The following FBXL17 variants were observed in gnomAD, a reference collection of about 807,000 sequenced individuals.
FBXL17 encodes the protein F-box/LRR-repeat protein 17.
Under a neutral mutation model 66.2 loss-of-function variants are expected in FBXL17, and 22 were observed. The observed-to-expected ratio is 0.33, with a 90% CI of 0.24 to 0.47. FBXL17 has a LOEUF of 0.47. Ranked by LOEUF, FBXL17 falls within the 20% of genes least tolerant of loss-of-function variation. FBXL17 has a pLI of 1.00. For missense variants in FBXL17, 878 were observed against 948.2 expected, an observed-to-expected ratio of 0.93 and a Z score of 0.97; for synonymous variants, 474 against 400.5, an observed-to-expected ratio of 1.18 and a Z score of -2.19.
intron 4 of FBXL17, among the ~76,000 whole-genome samples, chr5:108,335,435 A>AATATAGCATTAT (rs1304742775): frequency 2.0e-5 from 3 of 152,146 alleles, no homozygotes; most frequent in African/African-American, 7.2e-5. Flanking sequence ...ATTTAATGTA[A>AATATAGCATTAT]ATATAGCATT....
At chr5:107,934,848 C>T (rs1366431666) in intron 7 of FBXL17, among the ~76,000 whole-genome samples, 1 of 152,130 alleles carries the variant, frequency 6.6e-6, no homozygotes. Flanking sequence ...AACTTTATCA[C>T]ATACTTTAAT....
intron 6 of FBXL17, among the ~76,000 whole-genome samples, chr5:108,107,811 CAA>C (rs143806373): frequency 8.3e-6 from 1 of 120,748 alleles, no homozygotes; most frequent in Non-Finnish European, 1.7e-5. Context: ...GACTCTGTCT[CAA>C]AAAAAAAAAA....
intron 4 of FBXL17, among the ~76,000 whole-genome samples, chr5:108,308,078 G>A (rs574581938): frequency 4.4e-4 from 67 of 152,064 alleles, no homozygotes; most frequent in Admixed American, 2.3e-3. Context: ...ATAGAAACAC[G>A]ACCTTGTCCC....
At chr5:108,127,482 A>G (rs1018341997) in intron 6 of FBXL17, among the ~76,000 whole-genome samples, 1 of 152,194 alleles carries the variant, frequency 6.6e-6, no homozygotes, top group Non-Finnish European at 1.5e-5. Flanking sequence ...TCAAATTGGC[A>G]TAAGTGACAG....
intron 4 of FBXL17, among the ~76,000 whole-genome samples, chr5:108,292,187 T>C (rs1432610069): frequency 6.6e-6 from 1 of 151,596 alleles, no homozygotes; most frequent in Admixed American, 6.6e-5. Context: ...AATGGCGCGA[T>C]CTTGGCTCAC....
intron 4 of FBXL17, among the ~76,000 whole-genome samples, chr5:108,250,110 G>A (rs557989663): frequency 2.6e-5 from 4 of 152,194 alleles, no homozygotes; most frequent in African/African-American, 9.6e-5. Context: ...TACCATTAAT[G>A]CTAACCTTGG....
At chr5:107,938,677 G>C (rs1268635334) in intron 7 of FBXL17, among the ~76,000 whole-genome samples, 1 of 152,054 alleles carries the variant, frequency 6.6e-6, no homozygotes, top group African/African-American at 2.4e-5. Context: ...GCTTAGTGGT[G>C]ATATATTAGT....
chr5:108,103,869 A>G (rs1430599235), intron 6 of FBXL17, among the ~76,000 whole-genome samples: 3 of 152,132 alleles, frequency 2.0e-5, no homozygotes, highest in Admixed American at 1.3e-4. Context: ...TCAGTCCCCA[A>G]CCAAGTCACT....
chr5:108,096,562 T>C (rs910771321), intron 6 of FBXL17, among the ~76,000 whole-genome samples: 3 of 152,186 alleles, frequency 2.0e-5, no homozygotes, highest in African/African-American at 7.2e-5. Flanking sequence ...CAAGCTTTCT[T>C]GCACTCATTG....
At chr5:108,162,305 C>T (rs905548619) in intron 6 of FBXL17, among the ~76,000 whole-genome samples, 2 of 151,918 alleles carry the variant, frequency 1.3e-5, no homozygotes, top group African/African-American at 2.4e-5. Flanking sequence ...TGAGACCAGC[C>T]TGAGTAAGAC....
At chr5:108,268,050 TG>T (rs1757116841) in intron 4 of FBXL17, among the ~76,000 whole-genome samples, 2 of 151,976 alleles carry the variant, frequency 1.3e-5, no homozygotes, top group Non-Finnish European at 2.9e-5. Context: ...TAATTTAAAG[TG>T]TGTGTCCTGG....
At chr5:107,883,664 C>T (rs1748868309) in intron 7 of FBXL17, among the ~76,000 whole-genome samples, 1 of 152,138 alleles carries the variant, frequency 6.6e-6, no homozygotes, top group Non-Finnish European at 1.5e-5. Flanking sequence ...TTCTTTGTGG[C>T]CCACTCCCTC....
At chr5:107,930,309 T>A (rs532955824) in intron 7 of FBXL17, among the ~76,000 whole-genome samples, 184 of 152,258 alleles carry the variant, frequency 1.2e-3, no homozygotes, top group African/African-American at 4.1e-3. Context: ...CTCTCTCCCC[T>A]CTGCCAGGCC....
intron 1 of FBXL17, among the ~76,000 whole-genome samples, chr5:108,374,567 T>C (rs975983525): frequency 2.0e-5 from 3 of 151,950 alleles, no homozygotes; most frequent in African/African-American, 7.3e-5. Context: ...TCCAAGGTAC[T>C]AGAGAGGCTG....
At chr5:107,872,643 A>G (rs1748494793) in intron 8 of FBXL17, among the ~76,000 whole-genome samples, 3 of 152,194 alleles carry the variant, frequency 2.0e-5, no homozygotes, top group Admixed American at 2.0e-4. Context: ...TATAACATAG[A>G]AGGAGAAACC....
chr5:107,942,698 C>T (rs1424824328), intron 7 of FBXL17, among the ~76,000 whole-genome samples: 5 of 151,912 alleles, frequency 3.3e-5, no homozygotes, highest in Non-Finnish European at 5.9e-5. Context: ...ATTGACAATG[C>T]CTCTCCCTAG....
intron 7 of FBXL17, among the ~76,000 whole-genome samples, chr5:107,952,318 T>C (rs957986888): frequency 6.6e-6 from 1 of 152,214 alleles, no homozygotes; most frequent in African/African-American, 2.4e-5. Flanking sequence ...AGTCTTGAAA[T>C]TAAAGTGGAT....
At chr5:108,173,834 T>G (rs1029660946) in intron 6 of FBXL17, among the ~76,000 whole-genome samples, 8 of 152,212 alleles carry the variant, frequency 5.3e-5, no homozygotes, top group African/African-American at 1.9e-4. Context: ...TCTTTTCAGC[T>G]GAGGATGTGC....
At chr5:107,892,289 A>G (rs1749221425) in intron 7 of FBXL17, among the ~76,000 whole-genome samples, 1 of 149,546 alleles carries the variant, frequency 6.7e-6, no homozygotes, top group African/African-American at 2.5e-5. Context: ...ACTTAGGGGA[A>G]AAATCAGAAA....
Sources: gnomAD v4.1 joint callset for allele counts (sites outside exome capture counted in the v4.1 genomes callset) on GRCh38, gnomAD v4.1.1 for gene constraint, MANE v1.5 for transcripts, NCBI Gene and HGNC (gene_info 2026-07-23, HGNC 2026-07-21) for gene names.